Variants in AKR1D1 observed in about 807,000 individuals in gnomAD.
AKR1D1 encodes the protein delta(4)-3-ketosteroid 5-beta-reductase.
A neutral mutation model predicts 42.6 loss-of-function variants in AKR1D1; 32 were observed. The observed-to-expected ratio is 0.75, with a 90% CI of 0.57 to 1.01. The LOEUF (loss-of-function observed/expected upper bound fraction) is 1.01. AKR1D1 is among the 50% of genes least tolerant of loss of function. The pLI, the probability that AKR1D1 is intolerant of heterozygous loss-of-function variation, is 0.00. For synonymous variants in AKR1D1, 123 were observed against 135.5 expected (o/e 0.91, Z 0.64); for missense variants, 364 against 402.2 (o/e 0.91, Z 0.81).
chr7:138,091,700 A>C, intron 2 of AKR1D1, 68 bp from the exon 3 acceptor site: 1 of 1,263,722 alleles, frequency 7.9e-7, no homozygotes, highest in East Asian at 2.3e-5. Flanking sequence ...TTTTACAAAG[A>C]AAAAGGGGCT....
chr7:138,084,828 C>T (rs907517218), intron 1 of AKR1D1, among the ~76,000 whole-genome samples: 1 of 151,784 alleles, frequency 6.6e-6, no homozygotes, highest in East Asian at 1.9e-4. Context: ...GAGGCTGAGG[C>T]GGGCAGATCA....
chr7:138,077,554 A>T (rs1802967513), intron 1 of AKR1D1, among the ~76,000 whole-genome samples: 1 of 152,218 alleles, frequency 6.6e-6, no homozygotes, highest in African/African-American at 2.4e-5. Flanking sequence ...AAATGGAAAT[A>T]ATTAAATTTG....
chr7:138,092,543 T>A (rs971899318), intron 3 of AKR1D1, among the ~76,000 whole-genome samples: 1 of 152,196 alleles, frequency 6.6e-6, no homozygotes, highest in African/African-American at 2.4e-5. Flanking sequence ...AAGGTTTTAT[T>A]TACCATGGTA....
At chr7:138,077,412 A>T (rs1490171955) in intron 1 of AKR1D1, among the ~76,000 whole-genome samples, 1 of 152,200 alleles carries the variant, frequency 6.6e-6, no homozygotes, top group Non-Finnish European at 1.5e-5. Context: ...TATCCTGAGA[A>T]CAGCATGGAA....
chr7:138,103,291 A>T (rs1205304776), intron 4 of AKR1D1, among the ~76,000 whole-genome samples: 1 of 122,638 alleles, frequency 8.2e-6, no homozygotes, highest in Non-Finnish European at 1.9e-5. Flanking sequence ...TATTATCTAT[A>T]AAAATATTAA....
rs763696096 is a variant in AKR1D1 at position 138,076,547 on chromosome 7, T to C, written c.29T>C (p.Ile10Thr). The stretch of plus-strand genomic sequence containing the variant: ...GATCTCAGTGCTGCAAGTCACCGCA[T>C]ACCTCTAAGTGATGGAAACAGCATT... MDLSAASHR[I>T]PLSDGNSIPI... Residue 10 changes from isoleucine to threonine, a missense_variant, in exon 1 of 9, where the codon ATA becomes ACA. Coordinates refer to ENST00000242375, the MANE Select transcript of AKR1D1 (RefSeq NM_005989.4). The C allele has an allele frequency of 2.5e-6, 4 of 1,613,476 alleles. No homozygotes were observed. The African/African-American group carries it at 5.3e-5, about 22-fold the overall frequency.
intron 1 of AKR1D1, among the ~76,000 whole-genome samples, chr7:138,082,523 C>A (rs957563284): frequency 4.6e-5 from 7 of 152,034 alleles, no homozygotes; most frequent in African/African-American, 1.7e-4. Context: ...AGGTGTACAT[C>A]ACCATGCCTG....
chr7:138,113,759 G>A lies in AKR1D1; in HGVS notation c.925G>A (p.Val309Ile). 1 of 1,614,054 alleles carries A rather than the reference G, an allele frequency of 6.2e-7. No individual in the cohort carries two copies. ...AGCCTTGAATAAAAATGTCCGCTTT[G>A]TAGAATTGCTCATGTAAGTTCCGGG... is the stretch of plus-strand genomic sequence containing the variant. ...IEALNKNVRF[V>I]ELLMWRDHPE... Residue 309 changes from valine to isoleucine, a missense_variant, in exon 8 of 9, where the codon GTA becomes ATA. Physicochemically the swap from Val to Ile is conservative, Grantham distance 29. Coordinates refer to ENST00000242375, the MANE Select transcript of AKR1D1 (RefSeq NM_005989.4).
At chr7:138,087,482 A>C (rs1016671600) in intron 1 of AKR1D1, among the ~76,000 whole-genome samples, 1 of 152,206 alleles carries the variant, frequency 6.6e-6, no homozygotes, top group Non-Finnish European at 1.5e-5. Context: ...ATGTTATTAA[A>C]ATATATCCTA....
intron 2 of AKR1D1, among the ~76,000 whole-genome samples, chr7:138,091,010 C>T (rs574753375): frequency 6.6e-6 from 1 of 152,222 alleles, no homozygotes; most frequent in African/African-American, 2.4e-5. Flanking sequence ...TAACCATATT[C>T]CTTGCTCATT....
chr7:138,083,262 T>C (rs957713980), intron 1 of AKR1D1, among the ~76,000 whole-genome samples: 47 of 152,218 alleles, frequency 3.1e-4, no homozygotes, highest in Admixed American at 2.8e-3. Flanking sequence ...TGTTATTTCA[T>C]TGTAGTTTTG....
intron 1 of AKR1D1, among the ~76,000 whole-genome samples, chr7:138,081,774 G>C (rs1222789829): frequency 6.6e-6 from 1 of 151,930 alleles, no homozygotes; most frequent in Non-Finnish European, 1.5e-5. Context: ...TAGAGACGGG[G>C]TTTCTCCCTG....
At chr7:138,111,654 T>C (rs1241414008) in intron 7 of AKR1D1, among the ~76,000 whole-genome samples, 2 of 152,172 alleles carry the variant, frequency 1.3e-5, no homozygotes, top group African/African-American at 2.4e-5. Flanking sequence ...AAAAGACCAC[T>C]GAAAATTAAT....
At position 138,117,703 on chromosome 7, in the gene AKR1D1, CTA is replaced by C. The variant is rs1466259813; in HGVS notation, c.*1043_*1044del. ...TTAGAATTCAGCAATAGAGATATAT[CTA>C]TTTTCAATTCAACTACAGAAATATA... On this transcript the variant is annotated 3_prime_UTR_variant, in exon 9 of 9. Coordinates refer to ENST00000242375, the MANE Select transcript of AKR1D1 (RefSeq NM_005989.4). 1.3e-5 allele frequency: 2 copies of C among 152,154 alleles called. No homozygotes were observed. The highest frequency in any genetic ancestry group is 1.5e-5 in the Non-Finnish European group (1 of 68,040). 9.4% of individuals were successfully genotyped at this position (152,154 alleles called of 1,614,324 possible). A position where few individuals can be genotyped will look rare whatever the true frequency, so the allele number is the denominator to read the frequency against.
At chr7:138,077,471 C>T (rs1013797736) in intron 1 of AKR1D1, among the ~76,000 whole-genome samples, 1 of 152,164 alleles carries the variant, frequency 6.6e-6, no homozygotes, top group Admixed American at 6.6e-5. Flanking sequence ...CCTCCCACAA[C>T]ATGTGGGGAT....
At chr7:138,092,972 C>T (rs1387577674) in intron 3 of AKR1D1, among the ~76,000 whole-genome samples, 1 of 151,990 alleles carries the variant, frequency 6.6e-6, no homozygotes, top group African/African-American at 2.4e-5. Context: ...AATAAATTAA[C>T]ATTAGCTTAT....
intron 7 of AKR1D1, among the ~76,000 whole-genome samples, chr7:138,109,275 A>G (rs10954603): frequency 0.78 from 118,031 of 152,118 alleles, 45,991 homozygotes; most frequent in African/African-American, 0.8. Flanking sequence ...ATTGGCTTGC[A>G]TAACTGGAAA....
At chr7:138,096,495 C>T (rs1794186168) in intron 3 of AKR1D1, among the ~76,000 whole-genome samples, 1 of 152,132 alleles carries the variant, frequency 6.6e-6, no homozygotes, top group African/African-American at 2.4e-5. Context: ...GAACAACTCC[C>T]ATTAGGCCCC....
rs199535210 is a variant in AKR1D1, at chr7:138,088,740, G to A, written c.233G>A (p.Arg78Gln). The stretch of plus-strand genomic sequence containing the variant: ...GAGAAGATAGCAGAAGGAAAGGTGC[G>A]GAGGGAAGATATCTTCTACTGTGGA... ...IREKIAEGKVRREDIFYCGKL... is the reference protein window; with the variant it reads ...IREKIAEGKVQREDIFYCGKL... Residue 78 changes from arginine to glutamine, a missense_variant, in exon 2 of 9, where the codon CGG becomes CAG. Arg to Gln is a conservative substitution (Grantham distance 43, BLOSUM62 1). Transcript: ENST00000242375. 1.3e-4 allele frequency: 203 copies of A among 1,608,190 alleles called. No individual in the cohort carries two copies. Among genetic ancestry groups the A allele is most frequent in the Admixed American group, 1.2e-4 (7 of 59,010 alleles).
Sources: allele counts gnomAD v4.1 joint callset (sites outside exome capture counted in the v4.1 genomes callset), GRCh38; gene constraint gnomAD v4.1.1; transcripts MANE v1.5; gene names NCBI Gene and HGNC (gene_info 2026-07-23, HGNC 2026-07-21).